Variants in GALNT17 observed in about 807,000 individuals in gnomAD.
The protein encoded by GALNT17 is polypeptide N-acetylgalactosaminyltransferase 17.
In GALNT17, 29 loss-of-function variants were observed where a neutral mutation model predicts 63.7. That is an observed-to-expected ratio of 0.46 (90% confidence interval 0.34 to 0.62). GALNT17 has a LOEUF of 0.62. GALNT17 is among the 20% of genes least tolerant of loss of function. The pLI is 0.01. For missense variants in GALNT17, 603 were observed against 799.6 expected, an observed-to-expected ratio of 0.75 and a Z score of 2.97; for synonymous variants, 305 against 318.3, an observed-to-expected ratio of 0.96 and a Z score of 0.45.
At chr7:71,153,385 A>C (rs1788168622) in intron 1 of GALNT17, among the ~76,000 whole-genome samples, 1 of 152,174 alleles carries the variant, frequency 6.6e-6, no homozygotes, top group South Asian at 2.1e-4. Flanking sequence ...TGCTCTTTGG[A>C]ACAAGACATT....
At chr7:71,625,796 G>A (rs1233553180) in intron 6 of GALNT17, among the ~76,000 whole-genome samples, 2 of 152,096 alleles carry the variant, frequency 1.3e-5, no homozygotes, top group African/African-American at 4.8e-5. Context: ...ATCTGTTATG[G>A]GCTAAATTGT....
intron 9 of GALNT17, among the ~76,000 whole-genome samples, chr7:71,701,921 ATG>A (rs201754183): frequency 1.5e-5 from 2 of 133,294 alleles, no homozygotes; most frequent in Admixed American, 7.7e-5. Context: ...ACATATATAT[ATG>A]TATATATATA....
chr7:71,304,145 A>G (rs1791249427), intron 1 of GALNT17, among the ~76,000 whole-genome samples: 1 of 152,216 alleles, frequency 6.6e-6, no homozygotes, highest in Non-Finnish European at 1.5e-5. Context: ...TAGGGGAACC[A>G]CGTAGTTGAT....
chr7:71,674,200 G>A (rs1248539761), intron 8 of GALNT17, among the ~76,000 whole-genome samples: 2 of 152,110 alleles, frequency 1.3e-5, no homozygotes, highest in African/African-American at 4.8e-5. Context: ...TATAATCAAT[G>A]TTAACATTTT....
At chr7:71,572,274 G>A (rs1004116258) in intron 6 of GALNT17, among the ~76,000 whole-genome samples, 1 of 150,274 alleles carries the variant, frequency 6.7e-6, no homozygotes, top group Non-Finnish European at 1.5e-5. Context: ...AACCAAATCA[G>A]GGGGGTCACT....
intron 1 of GALNT17, among the ~76,000 whole-genome samples, chr7:71,315,524 C>G (rs1791484428): frequency 6.6e-6 from 1 of 152,188 alleles, no homozygotes; most frequent in Admixed American, 6.5e-5. Flanking sequence ...ATTGGATCCC[C>G]TACCATTTGC....
At chr7:71,617,357 C>CT (rs1322004741) in intron 6 of GALNT17, among the ~76,000 whole-genome samples, 4 of 147,706 alleles carry the variant, frequency 2.7e-5, no homozygotes, top group Admixed American at 1.4e-4. Context: ...GACGGAGTCT[C>CT]TGTCACCAGG....
intron 5 of GALNT17, among the ~76,000 whole-genome samples, chr7:71,534,230 GA>G (rs1788765222): frequency 6.6e-6 from 1 of 152,144 alleles, no homozygotes; most frequent in Non-Finnish European, 1.5e-5. Flanking sequence ...GGCAGAAGGA[GA>G]AGCAAATGTG....
intron 5 of GALNT17, among the ~76,000 whole-genome samples, chr7:71,444,071 C>G (rs971750868): frequency 3.3e-5 from 5 of 152,224 alleles, no homozygotes; most frequent in Non-Finnish European, 7.3e-5. Context: ...AAGACATCCT[C>G]TTGCCCTCTG....
intron 5 of GALNT17, among the ~76,000 whole-genome samples, chr7:71,503,603 G>A (rs1788217297): frequency 6.6e-6 from 1 of 152,160 alleles, no homozygotes; most frequent in South Asian, 2.1e-4. Flanking sequence ...TCTTGGGAAT[G>A]TCAAAGGTAC....
intron 6 of GALNT17, among the ~76,000 whole-genome samples, chr7:71,633,898 G>GCC (rs1050510563): frequency 6.6e-6 from 1 of 152,202 alleles, no homozygotes; most frequent in African/African-American, 2.4e-5. Context: ...AAGGGAGCCA[G>GCC]CCCCGGGCAA....
In GALNT17 at chr7:71,454,874, A is replaced by C. The variant is rs146273795; in HGVS notation, c.962+33769A>C. Among the ~76,000 whole-genome samples, 382 of 152,270 alleles carry C rather than the reference A, an allele frequency of 2.5e-3. 2 individuals are homozygous for C. Among genetic ancestry groups the C allele is most frequent in the Non-Finnish European group, 3.8e-3 (258 of 68,010 alleles). ...CATGGTCAGTGGTCTCTTATCAAGA[A>C]GGAATCCTGGGCCAGGCATGATGGC... On this transcript the variant is annotated intron_variant, in intron 5 of 10. Coordinates refer to ENST00000333538, the MANE Select transcript of GALNT17 (RefSeq NM_022479.3).
chr7:71,662,190 G>A (rs1790917173), intron 6 of GALNT17, among the ~76,000 whole-genome samples: 1 of 152,020 alleles, frequency 6.6e-6, no homozygotes, highest in Non-Finnish European at 1.5e-5. Flanking sequence ...TTTTGCTAAG[G>A]TCTCTTATGC....
rs1215605772 is a variant in GALNT17 at position 71,512,190 on chromosome 7, A to G, written c.963-59095A>G. Reference sequence around the variant, plus strand: ...CTAGCTAATTTTGTATTTTTAGTAGAGACAGGGTTTCACCTTGTTACGCAG... The same window carrying G: ...CTAGCTAATTTTGTATTTTTAGTAGGGACAGGGTTTCACCTTGTTACGCAG... On this transcript the variant is annotated intron_variant, in intron 5 of 10. Coordinates refer to ENST00000333538, the MANE Select transcript of GALNT17 (RefSeq NM_022479.3). Among the ~76,000 whole-genome samples the G allele has an allele frequency of 7.2e-5, 11 of 151,976 alleles. No homozygotes were observed. The East Asian group carries it at 1.9e-3, about 27-fold the overall frequency.
At chr7:71,669,281 C>T (rs913933972) in intron 7 of GALNT17, among the ~76,000 whole-genome samples, 8 of 151,950 alleles carry the variant, frequency 5.3e-5, no homozygotes, top group East Asian at 2.0e-4. Flanking sequence ...TCTGGGAGGC[C>T]GAGGCTGGCT....
At chr7:71,472,071 C>T (rs1011139131) in intron 5 of GALNT17, among the ~76,000 whole-genome samples, 1 of 152,096 alleles carries the variant, frequency 6.6e-6, no homozygotes. Flanking sequence ...AAGGTGCTGG[C>T]AGATTCAGCA....
chr7:71,567,807 T>C (rs561679975), intron 5 of GALNT17, among the ~76,000 whole-genome samples: 1 of 152,296 alleles, frequency 6.6e-6, no homozygotes, highest in African/African-American at 2.4e-5. Flanking sequence ...CATTGACTTA[T>C]GCAATTATAG....
chr7:71,347,226 T>TA (rs1792112077), intron 2 of GALNT17, among the ~76,000 whole-genome samples: 1 of 152,182 alleles, frequency 6.6e-6, no homozygotes, highest in Non-Finnish European at 1.5e-5. Context: ...ATGAGAGAGT[T>TA]ATACGTGAAG....
intron 3 of GALNT17, among the ~76,000 whole-genome samples, chr7:71,392,245 G>A (rs1793064737): frequency 6.6e-6 from 1 of 152,184 alleles, no homozygotes; most frequent in African/African-American, 2.4e-5. Context: ...GAGGTGAAGA[G>A]AGCACCAGTA....
Sources: allele counts gnomAD v4.1 joint callset (sites outside exome capture counted in the v4.1 genomes callset), GRCh38; gene constraint gnomAD v4.1.1; transcripts MANE v1.5; gene names NCBI Gene and HGNC (gene_info 2026-07-23, HGNC 2026-07-21).